PLCB1: variants seen among roughly 807,000 people sequenced by gnomAD.
The protein encoded by PLCB1 is phospholipase C beta 1, also known as 1-phosphatidylinositol 4,5-bisphosphate phosphodiesterase beta-1.
Under a neutral mutation model 161.8 loss-of-function variants are expected in PLCB1, and 46 were observed. The observed-to-expected ratio is 0.28, with a 90% CI of 0.22 to 0.36. The LOEUF is 0.36. Ranked by LOEUF, PLCB1 falls within the 10% of genes least tolerant of loss-of-function variation. PLCB1 has a pLI of 1.00. For synonymous variants in PLCB1, 517 were observed against 503.7 expected (o/e 1.03, Z -0.35); for missense variants, 1,016 against 1,472.5 (o/e 0.69, Z 5.07).
intron 31 of PLCB1, among the ~76,000 whole-genome samples, chr20:8,838,518 AC>A (rs1986376236): frequency 6.6e-6 from 1 of 152,202 alleles, no homozygotes; most frequent in African/African-American, 2.4e-5. Flanking sequence ...TGAAATGTAT[AC>A]TTGGAATAGA....
intron 31 of PLCB1, among the ~76,000 whole-genome samples, chr20:8,857,359 T>C (rs1174698735): frequency 6.6e-6 from 1 of 152,242 alleles, no homozygotes; most frequent in African/African-American, 2.4e-5. Context: ...TTAAATAAAG[T>C]ATATCTAAGT....
At chr20:8,539,058 G>T (rs1190659384) in intron 3 of PLCB1, among the ~76,000 whole-genome samples, 2 of 151,064 alleles carry the variant, frequency 1.3e-5, no homozygotes, top group Non-Finnish European at 3.0e-5. Flanking sequence ...AAGTGCTGGG[G>T]TTACAGGCAT....
intron 12 of PLCB1, among the ~76,000 whole-genome samples, chr20:8,710,334 T>G (rs1484028188): frequency 1.3e-5 from 2 of 151,890 alleles, no homozygotes; most frequent in East Asian, 3.9e-4. Flanking sequence ...GGGAATGGTG[T>G]TACACCATAA....
intron 3 of PLCB1, among the ~76,000 whole-genome samples, chr20:8,413,251 T>C (rs939092492): frequency 1.3e-5 from 2 of 152,224 alleles, no homozygotes; most frequent in African/African-American, 4.8e-5. Context: ...AGACATGTTT[T>C]TCTTGCCTCA....
intron 2 of PLCB1, among the ~76,000 whole-genome samples, chr20:8,210,647 T>A (rs962103259): frequency 6.6e-6 from 1 of 152,136 alleles, no homozygotes; most frequent in Non-Finnish European, 1.5e-5. Context: ...TCATGTAATT[T>A]TTTTTAAGGA....
intron 2 of PLCB1, among the ~76,000 whole-genome samples, chr20:8,308,618 CAAA>C (rs71183088): frequency 0.02 from 1,507 of 73,594 alleles, 21 homozygotes; most frequent in African/African-American, 0.063. Context: ...TTCCGTATAT[CAAA>C]AAAAAAAAAA....
At chr20:8,587,878 A>G (rs554814556) in intron 3 of PLCB1, among the ~76,000 whole-genome samples, 44 of 152,320 alleles carry the variant, frequency 2.9e-4, no homozygotes, top group African/African-American at 9.4e-4. Context: ...TCTACAGTAC[A>G]TAACTGTAAA....
chr20:8,767,326 G>A (rs565263460), intron 26 of PLCB1, among the ~76,000 whole-genome samples: 8 of 152,268 alleles, frequency 5.3e-5, no homozygotes, highest in Non-Finnish European at 7.4e-5. Context: ...CCACTGATGG[G>A]CCCTGGTCTA....
chr20:8,556,966 A>G (rs1184080071), intron 3 of PLCB1, among the ~76,000 whole-genome samples: 1 of 147,538 alleles, frequency 6.8e-6, no homozygotes, highest in Non-Finnish European at 1.5e-5. Context: ...GATAGCTATT[A>G]TTGATAATAA....
intron 2 of PLCB1, among the ~76,000 whole-genome samples, chr20:8,334,080 A>G (rs1365336362): frequency 6.6e-6 from 1 of 152,052 alleles, no homozygotes; most frequent in African/African-American, 2.4e-5. Context: ...GTGGTGGTGC[A>G]TGCCTGTAAT....
intron 2 of PLCB1, among the ~76,000 whole-genome samples, chr20:8,300,750 TCA>T (rs1285981167): frequency 6.6e-6 from 1 of 152,156 alleles, no homozygotes; most frequent in Non-Finnish European, 1.5e-5. Flanking sequence ...GTTTATTCAC[TCA>T]CAGAGCCTAG....
intron 3 of PLCB1, among the ~76,000 whole-genome samples, chr20:8,383,727 A>G (rs1479848664): frequency 6.6e-6 from 1 of 152,172 alleles, no homozygotes; most frequent in African/African-American, 2.4e-5. Flanking sequence ...CCTGGACTAA[A>G]TCCCTCAGCA....
intron 31 of PLCB1, among the ~76,000 whole-genome samples, chr20:8,831,547 A>G (rs1210509458): frequency 6.6e-6 from 1 of 152,224 alleles, no homozygotes; most frequent in African/African-American, 2.4e-5. Flanking sequence ...GAGATGTTGA[A>G]TAAATCCCAC....
intron 3 of PLCB1, among the ~76,000 whole-genome samples, chr20:8,530,226 C>T (rs1390422879): frequency 6.6e-6 from 1 of 152,102 alleles, no homozygotes; most frequent in Non-Finnish European, 1.5e-5. Flanking sequence ...ACTCATAAAG[C>T]ATCTCTCATA....
At chr20:8,351,406 A>C (rs1215464867) in intron 2 of PLCB1, among the ~76,000 whole-genome samples, 1 of 152,080 alleles carries the variant, frequency 6.6e-6, no homozygotes, top group Non-Finnish European at 1.5e-5. Context: ...AAATAGAATA[A>C]ATTTTGTACA....
At chr20:8,463,227 A>C (rs1981668138) in intron 3 of PLCB1, among the ~76,000 whole-genome samples, 1 of 151,028 alleles carries the variant, frequency 6.6e-6, no homozygotes, top group African/African-American at 2.4e-5. Flanking sequence ...TTATATATTG[A>C]AGATATGCTA....
chr20:8,757,242 C>T (rs917347025), intron 24 of PLCB1, 64 bp downstream of exon 24: 31 of 1,509,536 alleles, frequency 2.1e-5, no homozygotes, highest in Admixed American at 8.3e-5. Context: ...GTGCCACTGA[C>T]GGAGGCGCTG....
chr20:8,685,577 A>AAG (rs1309581103), intron 10 of PLCB1, among the ~76,000 whole-genome samples: 1 of 150,560 alleles, frequency 6.6e-6, no homozygotes, highest in Non-Finnish European at 1.5e-5. Flanking sequence ...ATACAAAAAA[A>AAG]AAAAAAAAAA....
chr20:8,627,414 G>C (rs2123214569), intron 3 of PLCB1, among the ~76,000 whole-genome samples: 1 of 152,170 alleles, frequency 6.6e-6, no homozygotes, highest in Non-Finnish European at 1.5e-5. Context: ...TAAGTAATCA[G>C]GACCTGTTGG....
Sources: gnomAD v4.1 joint callset for allele counts (sites outside exome capture counted in the v4.1 genomes callset) on GRCh38, gnomAD v4.1.1 for gene constraint, MANE v1.5 for transcripts, NCBI Gene and HGNC (gene_info 2026-07-23, HGNC 2026-07-21) for gene names.